The following ASAP2 variants were observed in gnomAD, a reference collection of about 807,000 sequenced individuals.
ASAP2 encodes arf-GAP with SH3 domain, ANK repeat and PH domain-containing protein 2.
Under a neutral mutation model 131.4 loss-of-function variants are expected in ASAP2, and 45 were observed. That is an observed-to-expected ratio of 0.34 (90% CI 0.27 to 0.44). The LOEUF (loss-of-function observed/expected upper bound fraction) is 0.44, where lower values mean the gene tolerates loss of function less well. Ranked by LOEUF, ASAP2 falls within the 20% of genes least tolerant of loss-of-function variation. ASAP2 has a pLI of 1.00. For missense variants in ASAP2, 1,011 were observed against 1,297.0 expected (o/e 0.78, Z 3.39); for synonymous variants, 510 against 503.0 (o/e 1.01, Z -0.19).
intron 3 of ASAP2, among the ~76,000 whole-genome samples, chr2:9,299,257 C>A (rs1039897441): frequency 7.2e-5 from 11 of 152,100 alleles, no homozygotes; most frequent in African/African-American, 2.2e-4. Flanking sequence ...TGCAAAAGAT[C>A]TTAAAAGCTT....
chr2:9,351,774 G>A (rs1160867567), intron 12 of ASAP2, among the ~76,000 whole-genome samples: 3 of 152,134 alleles, frequency 2.0e-5, no homozygotes, highest in East Asian at 1.9e-4. Flanking sequence ...AGCAAACTGC[G>A]GGTAATTATC....
At chr2:9,335,832 G>A (rs1332563542) in intron 9 of ASAP2, among the ~76,000 whole-genome samples, 1 of 152,156 alleles carries the variant, frequency 6.6e-6, no homozygotes, top group Admixed American at 6.6e-5. Flanking sequence ...ATCATAATGT[G>A]AATTTAGTAT....
chr2:9,323,113 A>C lies in ASAP2; in HGVS notation c.471-8A>C. The C allele has an allele frequency of 6.2e-7, 1 of 1,614,130 alleles. No individual in the cohort carries two copies. Among genetic ancestry groups the C allele is most frequent in the South Asian group, 1.1e-5 (1 of 91,076 alleles). On this transcript the variant is annotated splice_polypyrimidine_tract_variant and splice_region_variant and intron_variant, in intron 5 of 27. Transcript: ENST00000281419. ...GGCATCTTGATGTATCCTTGCTTTC[A>C]CACGTAGAACCAAGATAGAAAAGGA... is the stretch of plus-strand genomic sequence containing the variant.
At chr2:9,320,579 A>G (rs114777850) in intron 5 of ASAP2, among the ~76,000 whole-genome samples, 536 of 152,292 alleles carry the variant, frequency 3.5e-3, no homozygotes, top group South Asian at 7.3e-3. Context: ...TGTTATTTTC[A>G]GGAAAGTTCA....
intron 7 of ASAP2, among the ~76,000 whole-genome samples, chr2:9,333,833 A>G (rs1334874080): frequency 6.6e-6 from 1 of 152,118 alleles, no homozygotes; most frequent in East Asian, 1.9e-4. Context: ...AAACTTGTCC[A>G]GCCTCTGTTG....
At chr2:9,213,531 G>A (rs1661757532) in intron 1 of ASAP2, among the ~76,000 whole-genome samples, 1 of 152,142 alleles carries the variant, frequency 6.6e-6, no homozygotes, top group Non-Finnish European at 1.5e-5. Flanking sequence ...GACTAGCAGG[G>A]CATGAAAGGA....
At position 9,344,520 on chromosome 2, in the gene ASAP2, A is replaced by C. The variant is rs1032601093; in HGVS notation, c.850-12A>C. On this transcript the variant is annotated splice_polypyrimidine_tract_variant and intron_variant, in intron 9 of 27. Coordinates refer to ENST00000281419, the MANE Select transcript of ASAP2 (RefSeq NM_003887.3). ...GGACAAGATTAAAAACACACTCTTCACCATTTTTTAGGACTCCCAAATTCG... is the reference window on the plus strand; with the variant it reads ...GGACAAGATTAAAAACACACTCTTCCCCATTTTTTAGGACTCCCAAATTCG... The C allele has an allele frequency of 1.2e-6, 2 of 1,607,274 alleles. No homozygotes were observed. The highest frequency in any genetic ancestry group is 1.7e-6 in the Non-Finnish European group (2 of 1,174,426).
chr2:9,344,839 A>G, intron 11 of ASAP2, 39 bp downstream of exon 11: 1 of 1,578,764 alleles, frequency 6.3e-7, no homozygotes, highest in Non-Finnish European at 8.7e-7. Flanking sequence ...CTGCTGTATT[A>G]GGTGAGGTTG....
At chr2:9,259,945 A>G (rs978796446) in intron 1 of ASAP2, among the ~76,000 whole-genome samples, 2 of 152,174 alleles carry the variant, frequency 1.3e-5, no homozygotes, top group African/African-American at 4.8e-5. Context: ...AAAATTGGGA[A>G]TGGCTGTCCA....
At chr2:9,286,631 A>G (rs767668446) in intron 2 of ASAP2, among the ~76,000 whole-genome samples, 23 of 152,208 alleles carry the variant, frequency 1.5e-4, no homozygotes, top group South Asian at 6.2e-4. Flanking sequence ...AAAAATAACA[A>G]TCTTTTTGTG....
rs1667126487 is a variant in ASAP2, at chr2:9,281,506, C to A, written c.199+2117C>A. Among the ~76,000 whole-genome samples, 1 of 152,192 alleles carries A rather than the reference C, an allele frequency of 6.6e-6. No homozygotes were observed. Among genetic ancestry groups the A allele is most frequent in the South Asian group, 2.1e-4 (1 of 4,838 alleles). Reference sequence around the variant, plus strand: ...TATATTGCTGAGCGTGTACCACAAACCTCATTCCTATTTCTAACCACCCCC... The same window carrying A: ...TATATTGCTGAGCGTGTACCACAAAACTCATTCCTATTTCTAACCACCCCC... On this transcript the variant is annotated intron_variant, in intron 2 of 27. Coordinates refer to ENST00000281419, the MANE Select transcript of ASAP2 (RefSeq NM_003887.3). The surrounding 1 kb of genome is among the most constrained non-coding windows in gnomAD (Gnocchi z 4.0).
At chr2:9,275,134 G>A (rs1176666980) in intron 1 of ASAP2, among the ~76,000 whole-genome samples, 1 of 149,026 alleles carries the variant, frequency 6.7e-6, no homozygotes, top group Non-Finnish European at 1.5e-5. Context: ...AGGCTATAGG[G>A]CAGTGGCGCA....
At position 9,217,506 on chromosome 2, in the gene ASAP2, G is replaced by A. The variant is rs1264050421; in HGVS notation, c.126+10276G>A. On this transcript the variant is annotated intron_variant, in intron 1 of 27. Coordinates refer to ENST00000281419, the MANE Select transcript of ASAP2 (RefSeq NM_003887.3). This position sits in a 1 kb window ranked among gnomAD's most constrained non-coding sequence, Gnocchi z 4.0. ...GTTGATGAAGACAGTTCCCTCTCAT[G>A]ATGAATTCACTTGTCTTTTAGGATT... 1.3e-5 allele frequency among the ~76,000 whole-genome samples: 2 copies of A among 152,184 alleles called. No individual in the cohort carries two copies. The highest frequency in any genetic ancestry group is 2.9e-5 in the Non-Finnish European group (2 of 68,040).
In ASAP2 at chr2:9,392,863, A is replaced by T. The variant is rs938354596; in HGVS notation, c.2519-619A>T. 2.6e-5 allele frequency among the ~76,000 whole-genome samples: 4 copies of T among 152,092 alleles called. No individual in the cohort carries two copies. Among genetic ancestry groups the T allele is most frequent in the African/African-American group, 9.7e-5 (4 of 41,406 alleles). On this transcript the variant is annotated intron_variant, in intron 23 of 27. Transcript: ENST00000281419. The surrounding 1 kb of genome is among the most constrained non-coding windows in gnomAD (Gnocchi z 4.0). ...AAGGGAGGAGAGACGGAGGAAGGAG[A>T]CTTGGACTCACAGCCTCCCTCCAGG...
chr2:9,397,191 T>C (rs1676213037), intron 24 of ASAP2, among the ~76,000 whole-genome samples: 1 of 152,156 alleles, frequency 6.6e-6, no homozygotes. Flanking sequence ...GATTTACGCT[T>C]TCCATGCTGC....
At chr2:9,286,447 A>ATATATATATATATATATATATAT (rs1553304560) in intron 2 of ASAP2, among the ~76,000 whole-genome samples, 29 of 148,476 alleles carry the variant, frequency 2.0e-4, no homozygotes, top group African/African-American at 6.8e-4. Flanking sequence ...GAAAAAAAAA[A>ATATATATATATATATATATATAT]ATATATATAT....
chr2:9,375,106 C>CA (rs112747713), intron 17 of ASAP2, among the ~76,000 whole-genome samples, 162 bp downstream of exon 17: 809 of 66,196 alleles, frequency 0.012, 15 homozygotes, highest in South Asian at 0.091. Flanking sequence ...CCCATCTCTA[C>CA]AAAAAAAAAA....
At chr2:9,253,992 G>T (rs1664912163) in intron 1 of ASAP2, among the ~76,000 whole-genome samples, 1 of 151,528 alleles carries the variant, frequency 6.6e-6, no homozygotes, top group African/African-American at 2.4e-5. Flanking sequence ...TGGATCACAA[G>T]GTTGGGAGTT....
At chr2:9,369,478 T>C (rs1673763272) in intron 16 of ASAP2, among the ~76,000 whole-genome samples, 1 of 152,150 alleles carries the variant, frequency 6.6e-6, no homozygotes, top group African/African-American at 2.4e-5. Context: ...CGCCTTAGAC[T>C]TCAGCTCTGT....
Sources: gnomAD v4.1 joint callset for allele counts (sites outside exome capture counted in the v4.1 genomes callset) on GRCh38, gnomAD v4.1.1 for gene constraint, Gnocchi (gnomAD v3.1) non-coding constraint, MANE v1.5 for transcripts, NCBI Gene and HGNC (gene_info 2026-07-23, HGNC 2026-07-21) for gene names.